Variants in ZNF644 observed in about 807,000 individuals in gnomAD.
ZNF644 encodes zinc finger motif enhancer binding protein 2.
Under a neutral mutation model 108.0 loss-of-function variants are expected in ZNF644, and 20 were observed. The ratio of observed to expected loss-of-function variants is 0.19; its 90% confidence interval spans 0.13 to 0.27. The LOEUF is 0.27. Ranked by LOEUF, ZNF644 falls within the 10% of genes least tolerant of loss-of-function variation. The pLI is 1.00. For synonymous variants in ZNF644, 542 were observed against 539.1 expected (o/e 1.01, Z -0.08); for missense variants, 1,338 against 1,548.9 (o/e 0.86, Z 2.29).
chr1:91,019,059 T>C (rs1447202448), intron 1 of ZNF644, among the ~76,000 whole-genome samples: 2 of 152,230 alleles, frequency 1.3e-5, no homozygotes, highest in Non-Finnish European at 2.9e-5. Flanking sequence ...GCACCTTATA[T>C]GACCCATAAA....
At chr1:90,927,009 C>T (rs1650114095) in intron 4 of ZNF644, among the ~76,000 whole-genome samples, 2 of 152,176 alleles carry the variant, frequency 1.3e-5, no homozygotes, top group South Asian at 4.1e-4. Flanking sequence ...CCTCCTACTT[C>T]CTAGTATTTC....
intron 4 of ZNF644, among the ~76,000 whole-genome samples, chr1:90,921,443 T>A (rs1195644171): frequency 1.3e-5 from 2 of 152,012 alleles, no homozygotes; most frequent in African/African-American, 4.8e-5. Context: ...ACCCACACAC[T>A]CTTTTCTCTT....
At chr1:91,000,600 T>C (rs1658666872) in intron 1 of ZNF644, among the ~76,000 whole-genome samples, 2 of 151,960 alleles carry the variant, frequency 1.3e-5, no homozygotes, top group South Asian at 4.2e-4. Context: ...AGATCTAAAA[T>C]TGACACCCTA....
At chr1:90,967,895 A>G (rs71584987) in intron 2 of ZNF644, among the ~76,000 whole-genome samples, 2 of 29,986 alleles carry the variant, frequency 6.7e-5, no homozygotes, top group Admixed American at 4.7e-4. Flanking sequence ...AAAAAAATAC[A>G]AAAAAAAAAA....
chr1:90,926,556 T>G (rs143689017), intron 4 of ZNF644, among the ~76,000 whole-genome samples: 1 of 152,188 alleles, frequency 6.6e-6, no homozygotes, highest in Non-Finnish European at 1.5e-5. Context: ...TACTTTGTTA[T>G]AGTGGATAGC....
chr1:90,998,452 C>T (rs1385374142), intron 1 of ZNF644, among the ~76,000 whole-genome samples: 1 of 152,226 alleles, frequency 6.6e-6, no homozygotes, highest in Non-Finnish European at 1.5e-5. Context: ...AGTGGACCTC[C>T]AGCAAACTCC....
At chr1:90,986,733 T>A (rs1657142550) in intron 1 of ZNF644, among the ~76,000 whole-genome samples, 1 of 152,002 alleles carries the variant, frequency 6.6e-6, no homozygotes, top group African/African-American at 2.4e-5. Context: ...GTCTTCAGAA[T>A]TAACTCCGAA....
chr1:91,003,011 C>A (rs2101689868), intron 1 of ZNF644, among the ~76,000 whole-genome samples: 1 of 152,224 alleles, frequency 6.6e-6, no homozygotes, highest in African/African-American at 2.4e-5. Context: ...GAATGGCAAT[C>A]ATTAAAAAGT....
chr1:90,938,607 A>C lies in ZNF644; in HGVS notation c.2747T>G (p.Phe916Cys). The C allele has an allele frequency of 6.2e-7, 1 of 1,612,086 alleles. No homozygotes were observed. Among genetic ancestry groups the C allele is most frequent in the African/African-American group, 1.3e-5 (1 of 74,834 alleles). The stretch of plus-strand genomic sequence containing the variant: ...AGTATCTTCATAGTATTCAAAATAA[A>C]AGCCATCGTTTTGGTCATAACTAAG... ...ATLSYDQNDG[F>C]YFEYYEDTGS... Residue 916 changes from phenylalanine (F) to cysteine (C), a missense_variant, in exon 3 of 6, where the codon TTT becomes TGT. Physicochemically the swap from Phe to Cys is radical, Grantham distance 205. Coordinates refer to ENST00000337393, the MANE Select transcript of ZNF644 (RefSeq NM_201269.3). The surrounding 1 kb of genome is among the most constrained non-coding windows in gnomAD (Gnocchi z 4.2).
chr1:90,968,727 T>C (rs1465754692), intron 2 of ZNF644, among the ~76,000 whole-genome samples: 1 of 152,196 alleles, frequency 6.6e-6, no homozygotes, highest in African/African-American at 2.4e-5. Flanking sequence ...GAAGGTATAC[T>C]GTAACTCCCT....
intron 1 of ZNF644, among the ~76,000 whole-genome samples, chr1:91,015,310 T>C (rs1660335890): frequency 6.6e-6 from 1 of 152,008 alleles, no homozygotes. Context: ...CAAAACAAAG[T>C]GTGGAGAGGA....
chr1:91,019,318 G>C (rs980800760), intron 1 of ZNF644, among the ~76,000 whole-genome samples: 1 of 152,136 alleles, frequency 6.6e-6, no homozygotes, highest in Non-Finnish European at 1.5e-5. Flanking sequence ...ATTATTTTCA[G>C]CATTGATCTC....
Position 90,938,858 on chromosome 1 carries a change from A to G in ZNF644, c.2496T>C (p.Phe832=). The G allele has an allele frequency of 1.2e-6, 2 of 1,613,944 alleles. No homozygotes were observed. Residue 832 remains phenylalanine (F), a synonymous_variant, in exon 3 of 6, where the codon TTT becomes TTC. Coordinates refer to ENST00000337393, the MANE Select transcript of ZNF644 (RefSeq NM_201269.3). This position sits in a 1 kb window ranked among gnomAD's most constrained non-coding sequence, Gnocchi z 4.2. ...AAACGACAACAGTCATTTTATGCAA[A>G]AAATCTGGATAGCTATCCAAGTCTT... The part of the protein sequence containing the change: ...GGEDLDSYPD[F]LHKMTVVVLQ...
rs865838515 is a variant in ZNF644 at position 91,013,482 on chromosome 1, C to T, written c.-18+8508G>A. On this transcript the variant is annotated intron_variant, in intron 1 of 5. Transcript: ENST00000337393. Reference sequence around the variant, plus strand: ...ACACACACACACACACACACACACACATACACACACACACACACATATACA... The same window carrying T: ...ACACACACACACACACACACACACATATACACACACACACACACATATACA... 3.7e-3 allele frequency among the ~76,000 whole-genome samples: 520 copies of T among 139,710 alleles called. 2 individuals carry two copies. Among genetic ancestry groups the T allele is most frequent in the Non-Finnish European group, 5.2e-3 (341 of 65,068 alleles). The allele number at this position is 139,710 out of a possible 152,430, so 91.7% of individuals were successfully genotyped here. A position where few individuals can be genotyped will look rare whatever the true frequency, so the allele number is the denominator to read the frequency against.
Position 90,951,990 on chromosome 1 carries a change from C to CT in ZNF644, c.45-10682dup, listed in dbSNP as rs1653224405. ...TAGGAAAATTTGAAGGCTACACAGT[C>CT]TTAGTTAATCAAAAAACAGCTCAAG... On this transcript the variant is annotated intron_variant, in intron 2 of 5. Transcript: ENST00000337393. Among the ~76,000 whole-genome samples, 8 of 152,172 alleles carry CT rather than the reference C, an allele frequency of 5.3e-5. No homozygotes were observed. In the South Asian group the frequency reaches 1.7e-3, roughly 32 times the overall value.
chr1:91,001,304 G>A (rs1424595722), intron 1 of ZNF644, among the ~76,000 whole-genome samples: 23 of 151,496 alleles, frequency 1.5e-4, no homozygotes, highest in Middle Eastern at 3.4e-3. Context: ...CTGGCAAACC[G>A]AATCCAGCAG....
chr1:90,984,231 C>T (rs908929236), intron 1 of ZNF644, among the ~76,000 whole-genome samples: 2 of 152,152 alleles, frequency 1.3e-5, no homozygotes, highest in African/African-American at 4.8e-5. Flanking sequence ...AATTAATACA[C>T]TGAAGACAGC....
At chr1:90,925,346 C>A (rs1649905949) in intron 4 of ZNF644, among the ~76,000 whole-genome samples, 1 of 152,112 alleles carries the variant, frequency 6.6e-6, no homozygotes, top group Admixed American at 6.5e-5. Context: ...AATGTAAATT[C>A]TTGGTAAATA....
chr1:90,939,486 A>G lies in ZNF644; in HGVS notation c.1868T>C (p.Leu623Pro). 6.2e-7 allele frequency: 1 copy of G among 1,613,806 alleles called. No homozygotes were observed. Among genetic ancestry groups the G allele is most frequent in the Non-Finnish European group, 8.5e-7 (1 of 1,179,890 alleles). The part of the protein sequence containing the change: ...CVDSFGSPLG[L>P]DKRKNDILEE... ...AAGGATGTCATTTTTTCTTTTATCA[A>G]GTCCAAGAGGACTACCAAATGAATC... is the stretch of plus-strand genomic sequence containing the variant. Residue 623 changes from leucine to proline, a missense_variant, in exon 3 of 6, where the codon CTT becomes CCT. Leu to Pro is a moderately conservative substitution (Grantham distance 98). Coordinates refer to ENST00000337393, the MANE Select transcript of ZNF644 (RefSeq NM_201269.3).
Sources: gnomAD v4.1 joint callset for allele counts (sites outside exome capture counted in the v4.1 genomes callset) on GRCh38, gnomAD v4.1.1 for gene constraint, Gnocchi (gnomAD v3.1) non-coding constraint, MANE v1.5 for transcripts, NCBI Gene and HGNC (gene_info 2026-07-23, HGNC 2026-07-21) for gene names.